SYN3: variants seen among roughly 807,000 people sequenced by gnomAD.
SYN3 encodes the protein synapsin-3.
SYN3 carries 35 observed loss-of-function variants against 65.8 expected under a neutral mutation model. The observed-to-expected ratio is 0.53, with a 90% CI of 0.41 to 0.70. The LOEUF (loss-of-function observed/expected upper bound fraction) is 0.70. SYN3 is among the 30% of genes least tolerant of loss of function. The pLI is 0.00. For synonymous variants in SYN3, 270 were observed against 292.9 expected (o/e 0.92, Z 0.80); for missense variants, 680 against 749.0 (o/e 0.91, Z 1.08).
At chr22:32,828,696 G>A (rs192805413) in intron 6 of SYN3, among the ~76,000 whole-genome samples, 22 of 152,304 alleles carry the variant, frequency 1.4e-4, no homozygotes, top group East Asian at 1.9e-4. Flanking sequence ...CCAATCCAGC[G>A]GGAGTTCTTA....
At chr22:32,849,519 C>G in intron 6 of SYN3, 1 of 1,613,462 alleles carries the variant, frequency 6.2e-7, no homozygotes, top group Non-Finnish European at 8.5e-7. Context: ...TGGTCTACAC[C>G]ATCAAGCAGA....
intron 7 of SYN3, among the ~76,000 whole-genome samples, chr22:32,571,313 C>T (rs960040606): frequency 5.9e-5 from 9 of 152,006 alleles, no homozygotes; most frequent in South Asian, 2.1e-4. Context: ...CAGTAGGCAG[C>T]GGGAGTGGCT....
At chr22:32,853,206 G>T (rs2048271693) in intron 6 of SYN3, among the ~76,000 whole-genome samples, 1 of 152,190 alleles carries the variant, frequency 6.6e-6, no homozygotes, top group South Asian at 2.1e-4. Flanking sequence ...GGTTCTTCCT[G>T]CCTTAGGACT....
intron 6 of SYN3, among the ~76,000 whole-genome samples, chr22:32,818,127 CCTAA>C (rs2047137062): frequency 6.6e-6 from 1 of 152,194 alleles, no homozygotes; most frequent in South Asian, 2.1e-4. Context: ...AAAAAGGTAA[CCTAA>C]CTTAGTCTGA....
chr22:32,985,239 G>A (rs958080775), intron 2 of SYN3, among the ~76,000 whole-genome samples: 1 of 152,230 alleles, frequency 6.6e-6, no homozygotes, highest in African/African-American at 2.4e-5. Flanking sequence ...TGCAAAGTAT[G>A]TAGTCCATGG....
rs138666734 is a variant in SYN3, at chr22:32,892,168, C to T, written c.462-23043G>A. Among the ~76,000 whole-genome samples the T allele has an allele frequency of 9.3e-3, 1,419 of 152,098 alleles. 20 individuals are homozygous for T. Among genetic ancestry groups the T allele is most frequent in the African/African-American group, 0.032 (1,325 of 41,474 alleles). On this transcript the variant is annotated intron_variant, in intron 4 of 13. Coordinates refer to ENST00000358763, the MANE Select transcript of SYN3 (RefSeq NM_003490.4). ...AAAATTAGCCAGGCATGGTGGCACA[C>T]GCCTGTAATCCCAGCTACTCAGGTG... is the stretch of plus-strand genomic sequence containing the variant.
At chr22:32,884,749 T>C (rs2049243641) in intron 4 of SYN3, among the ~76,000 whole-genome samples, 1 of 152,108 alleles carries the variant, frequency 6.6e-6, no homozygotes, top group African/African-American at 2.4e-5. Flanking sequence ...TGGTGGCACG[T>C]GCCTGTAATT....
chr22:32,676,752 C>T (rs2060452215), intron 6 of SYN3, among the ~76,000 whole-genome samples: 1 of 150,602 alleles, frequency 6.6e-6, no homozygotes, highest in African/African-American at 2.5e-5. Flanking sequence ...ACCGTGTTAG[C>T]CAGGATGGTC....
intron 7 of SYN3, among the ~76,000 whole-genome samples, chr22:32,589,478 A>G (rs2059098628): frequency 6.6e-6 from 1 of 152,148 alleles, no homozygotes; most frequent in South Asian, 2.1e-4. Flanking sequence ...GTTTGTCTCT[A>G]TTTCAGGGGG....
At chr22:32,879,271 T>C (rs1601607649) in intron 4 of SYN3, among the ~76,000 whole-genome samples, 2 of 152,358 alleles carry the variant, frequency 1.3e-5, no homozygotes, top group East Asian at 1.9e-4. Context: ...AATTATTCCA[T>C]TTATTTAACA....
chr22:33,006,518 C>G lies in SYN3; in HGVS notation c.145G>C (p.Ala49Pro), dbSNP rs748841929. The change falls in exon 2 of 14, where the codon GCT becomes CCT. Residue 49 changes from alanine (A) to proline (P), a missense_variant. Physicochemically the swap from Ala to Pro is conservative, Grantham distance 27. Transcript: ENST00000358763. ...AMERRHPQPL[A>P]ASFSSPGSSL... Reference sequence around the variant, plus strand: ...GATCCTGGAGAGGAGAAGGAGGCAGCCAGGGGCTGGGGGTGCCTCCTCTCC... The same window carrying G: ...GATCCTGGAGAGGAGAAGGAGGCAGGCAGGGGCTGGGGGTGCCTCCTCTCC... 5 of 1,614,162 alleles carry G rather than the reference C, an allele frequency of 3.1e-6. No individual in the cohort carries two copies. Among genetic ancestry groups the G allele is most frequent in the Non-Finnish European group, 4.2e-6 (5 of 1,180,036 alleles).
intron 3 of SYN3, among the ~76,000 whole-genome samples, chr22:32,974,853 T>C (rs1200318055): frequency 6.6e-6 from 1 of 152,168 alleles, no homozygotes; most frequent in East Asian, 1.9e-4. Context: ...ACAATAACTC[T>C]AGGGAATAAA....
At chr22:32,725,145 A>G (rs1456456316) in intron 6 of SYN3, among the ~76,000 whole-genome samples, 2 of 152,012 alleles carry the variant, frequency 1.3e-5, no homozygotes, top group Non-Finnish European at 2.9e-5. Context: ...ACAACACAAC[A>G]CAACACAACG....
At chr22:32,881,744 TA>T (rs1569300173) in intron 4 of SYN3, among the ~76,000 whole-genome samples, 1 of 152,040 alleles carries the variant, frequency 6.6e-6, no homozygotes, top group Non-Finnish European at 1.5e-5. Flanking sequence ...TGTTTTTTTT[TA>T]AAGGAAAGAT....
chr22:32,572,007 G>C (rs2058765460), intron 7 of SYN3, among the ~76,000 whole-genome samples: 1 of 152,072 alleles, frequency 6.6e-6, no homozygotes, highest in Admixed American at 6.5e-5. Context: ...AGATGGTGCA[G>C]TAAGATGGGG....
chr22:32,731,895 A>G (rs1322832016), intron 6 of SYN3, among the ~76,000 whole-genome samples: 1 of 152,192 alleles, frequency 6.6e-6, no homozygotes, highest in African/African-American at 2.4e-5. Context: ...TCACTGCTCA[A>G]CTAGCTGTGA....
At chr22:32,824,257 G>T (rs1194410633) in intron 6 of SYN3, among the ~76,000 whole-genome samples, 3 of 130,358 alleles carry the variant, frequency 2.3e-5, no homozygotes, top group African/African-American at 8.9e-5. Flanking sequence ...CAGCCTGGGC[G>T]ACAGAGCAAG....
chr22:32,985,875 A>T (rs2052510592), intron 2 of SYN3, among the ~76,000 whole-genome samples: 1 of 151,932 alleles, frequency 6.6e-6, no homozygotes, highest in Middle Eastern at 3.4e-3. Context: ...TCAAGATCCT[A>T]TGAGTGATAT....
At chr22:32,734,195 A>G (rs1170852380) in intron 6 of SYN3, among the ~76,000 whole-genome samples, 2 of 152,164 alleles carry the variant, frequency 1.3e-5, no homozygotes, top group African/African-American at 2.4e-5. Flanking sequence ...TGTGGGAGCA[A>G]TCGGAAAACT....
Sources: allele counts gnomAD v4.1 joint callset (sites outside exome capture counted in the v4.1 genomes callset), GRCh38; gene constraint gnomAD v4.1.1; transcripts MANE v1.5; gene names NCBI Gene and HGNC (gene_info 2026-07-23, HGNC 2026-07-21).